THOC2: variants seen among roughly 807,000 people sequenced by gnomAD.
THOC2 encodes THO complex 2.
A neutral mutation model predicts 128.4 loss-of-function variants in THOC2; 10 were observed. The observed-to-expected ratio is 0.08, with a 90% CI of 0.05 to 0.13. The LOEUF (loss-of-function observed/expected upper bound fraction) is 0.13, where lower values mean the gene tolerates loss of function less well. Among genes scored for constraint, THOC2 ranks in the 10% least tolerant of loss-of-function variants. THOC2 has a pLI of 1.00. For synonymous variants in THOC2, 393 were observed against 396.9 expected (o/e 0.99, Z 0.12); for missense variants, 535 against 1,155.7 (o/e 0.46, Z 7.79).
intron 12 of THOC2, among the ~76,000 whole-genome samples, chrX:123,654,185 C>A (rs979862354): frequency 5.5e-5 from 6 of 109,644 alleles, no homozygotes; most frequent in Non-Finnish European, 7.6e-5. Context: ...TGTTCTCATT[C>A]GTAAGTGGGA....
At chrX:123,643,507 AC>A (rs2147697717) in intron 15 of THOC2, among the ~76,000 whole-genome samples, 1 of 111,359 alleles carries the variant, frequency 9.0e-6, no homozygotes, top group South Asian at 3.8e-4. Flanking sequence ...CCTGGCACAT[AC>A]AGTAATAGCT....
intron 38 of THOC2, chrX:123,603,228 G>A (rs1301580332): frequency 1.5e-5 from 2 of 136,634 alleles, no homozygotes; most frequent in African/African-American, 6.5e-5. Flanking sequence ...CACATTAAAG[G>A]ATAAAATTGC....
rs190125977 is a variant in THOC2, at chrX:123,627,277, C to T, written c.2757+416G>A. 8.6e-3 allele frequency among the ~76,000 whole-genome samples: 959 copies of T among 111,478 alleles called. 4 individuals are homozygous for T. Among genetic ancestry groups the T allele is most frequent in the Non-Finnish European group, 0.013 (684 of 53,037 alleles). ...GGTCTCCCTAAACCTCAATCTACTTCCTGTCTTTGCTGGAACCCTATGGTG... is the reference window on the plus strand; with the variant it reads ...GGTCTCCCTAAACCTCAATCTACTTTCTGTCTTTGCTGGAACCCTATGGTG... On this transcript the variant is annotated intron_variant, in intron 23 of 38. Coordinates refer to ENST00000245838, the MANE Select transcript of THOC2 (RefSeq NM_001081550.2).
chrX:123,654,318 T>C (rs2147751484), intron 12 of THOC2, among the ~76,000 whole-genome samples: 1 of 109,400 alleles, frequency 9.1e-6, no homozygotes, highest in African/African-American at 3.3e-5. Context: ...GATGGGTTGA[T>C]GGGTGCAGCA....
At chrX:123,731,214 G>A (rs184364936) in intron 1 of THOC2, among the ~76,000 whole-genome samples, 1 of 111,792 alleles carries the variant, frequency 8.9e-6, no homozygotes, top group Admixed American at 9.5e-5. Flanking sequence ...TAGCACATAC[G>A]AGGATTTGTA....
At chrX:123,665,903 C>T (rs1044202684) in intron 11 of THOC2, 66 bp from the exon 12 acceptor site, 2 of 595,411 alleles carry the variant, frequency 3.4e-6, no homozygotes, top group Non-Finnish European at 4.6e-6. Flanking sequence ...TAACTATATA[C>T]ACACACACTA....
Position 123,703,504 on chromosome X carries a change from T to C in THOC2, c.224A>G (p.Glu75Gly). Reference sequence around the variant, plus strand: ...AATGGAGGGCATATCCTCACGAAATTCCTAATTTTAAAAATATAATTACAA... The same window carrying C: ...AATGGAGGGCATATCCTCACGAAATCCCTAATTTTAAAAATATAATTACAA... ...QASNVLSDISEFREDMPSILA... is the reference protein window; with the variant it reads ...QASNVLSDISGFREDMPSILA... The change falls in exon 4 of 39, where the codon GAA becomes GGA. Residue 75 changes from glutamate to glycine, a missense_variant and splice_region_variant. Physicochemically the swap from Glu to Gly is moderately conservative, Grantham distance 98. Around this residue, in one of 9 missense-constraint regions of THOC2, gnomAD observed 61 missense variants for 84.3 expected, o/e 0.72. Coordinates refer to ENST00000245838, the MANE Select transcript of THOC2 (RefSeq NM_001081550.2). 1 of 1,150,350 alleles carries C rather than the reference T, an allele frequency of 8.7e-7. No homozygotes were observed. The highest frequency in any genetic ancestry group is 1.2e-6 in the Non-Finnish European group (1 of 844,001). The allele number at this position is 1,150,350 out of a possible 1,213,427, so 94.8% of individuals were successfully genotyped here.
intron 7 of THOC2, among the ~76,000 whole-genome samples, chrX:123,689,420 T>A (rs907758270): frequency 4.5e-5 from 5 of 111,771 alleles, no homozygotes; most frequent in African/African-American, 1.6e-4. Flanking sequence ...GTTTAGAAAA[T>A]TATTTTCATT....
rs768564365 is a variant in THOC2, at chrX:123,700,124, G to C, written c.275-2373C>G. Among the ~76,000 whole-genome samples, 83 of 110,411 alleles carry C rather than the reference G, an allele frequency of 7.5e-4. 1 individual carries two copies. The highest frequency in any genetic ancestry group is 1.1e-3 in the African/African-American group (34 of 30,323). On this transcript the variant is annotated intron_variant, in intron 4 of 38. Transcript: ENST00000245838. ...CACCAATTACCTACCCCAGCCCAGA[G>C]GCCCCATCAGCATATCAACTTACAG... is the stretch of plus-strand genomic sequence containing the variant.
At chrX:123,631,442 A>G (rs1193512377) in intron 22 of THOC2, among the ~76,000 whole-genome samples, 1 of 112,264 alleles carries the variant, frequency 8.9e-6, no homozygotes, top group Non-Finnish European at 1.9e-5. Context: ...GGGAGACTGT[A>G]GCAGTTGATA....
chrX:123,723,093 C>T (rs1281146368), intron 1 of THOC2, among the ~76,000 whole-genome samples: 1 of 110,488 alleles, frequency 9.1e-6, no homozygotes, highest in African/African-American at 3.3e-5. Flanking sequence ...GCACAAGAAT[C>T]GCTTGAACTC....
intron 8 of THOC2, among the ~76,000 whole-genome samples, chrX:123,680,900 C>A (rs945085503): frequency 9.0e-6 from 1 of 111,179 alleles, no homozygotes; most frequent in East Asian, 2.8e-4. Context: ...TCATCAATAT[C>A]CACTGCTGCC....
chrX:123,638,783 C>T (rs2047790453), intron 17 of THOC2, 151 bp downstream of exon 17: 1 of 405,678 alleles, frequency 2.5e-6, no homozygotes, highest in Non-Finnish European at 4.3e-6. Context: ...CACACACACA[C>T]ACACACACAC....
intron 23 of THOC2, 75 bp downstream of exon 23, chrX:123,627,618 A>T: frequency 9.6e-7 from 1 of 1,042,357 alleles, no homozygotes; most frequent in Non-Finnish European, 1.3e-6. Context: ...AACCAGAGCT[A>T]AAACAATTTC....
intron 22 of THOC2, among the ~76,000 whole-genome samples, chrX:123,631,485 G>C (rs1293936803): frequency 8.9e-6 from 1 of 111,840 alleles, no homozygotes; most frequent in African/African-American, 3.3e-5. Flanking sequence ...TTGATTAAAT[G>C]ATCAATTAGA....
intron 1 of THOC2, among the ~76,000 whole-genome samples, chrX:123,716,522 G>A (rs992251296): frequency 4.5e-5 from 5 of 110,873 alleles, no homozygotes; most frequent in Non-Finnish European, 5.7e-5. Context: ...TAAGGAGATC[G>A]AGATCATCCT....
chrX:123,600,727 A>AT lies in THOC2; in HGVS notation c.*629dup, dbSNP rs1475473297. ...GTAGAATTAAAACAATTATGTTTTG[A>AT]TCCCCCCGCCGCCAAGATTTGTCTA... On this transcript the variant is annotated 3_prime_UTR_variant, in exon 39 of 39. Transcript: ENST00000245838. The AT allele has an allele frequency of 8.9e-6, 1 of 112,269 alleles. No homozygotes were observed. Among genetic ancestry groups the AT allele is most frequent in the African/African-American group, 3.2e-5 (1 of 30,927 alleles). 9.3% of individuals were successfully genotyped at this position (112,269 alleles called of 1,213,427 possible). A position where few individuals can be genotyped will look rare whatever the true frequency, so the allele number is the denominator to read the frequency against.
At chrX:123,700,735 C>T (rs1603312460) in intron 4 of THOC2, among the ~76,000 whole-genome samples, 1 of 111,953 alleles carries the variant, frequency 8.9e-6, no homozygotes, top group Non-Finnish European at 1.9e-5. Context: ...ATCACAGCTT[C>T]GCTGAACCTC....
Position 123,651,725 on chromosome X carries a change from GC to G in THOC2, c.1387-6351del, listed in dbSNP as rs199787566. On this transcript the variant is annotated intron_variant, in intron 12 of 38. Coordinates refer to ENST00000245838, the MANE Select transcript of THOC2 (RefSeq NM_001081550.2). ...AATGGATAAATTCCTGGACACATAC[GC>G]CCCCCCCCCAAGACTAAACCAGGAA... 1.5e-3 allele frequency among the ~76,000 whole-genome samples: 138 copies of G among 94,710 alleles called. 1 individual carries two copies. The highest frequency in any genetic ancestry group is 4.8e-3 in the South Asian group (9 of 1,863). 82.2% of individuals were successfully genotyped at this position (94,710 alleles called of 115,157 possible).
Sources: gnomAD v4.1 joint callset for allele counts (sites outside exome capture counted in the v4.1 genomes callset) on GRCh38, gnomAD v4.1.1 for gene constraint, gnomAD v4.1.1 regional missense constraint, MANE v1.5 for transcripts, NCBI Gene and HGNC (gene_info 2026-07-23, HGNC 2026-07-21) for gene names.